The following SOX5 variants were observed in gnomAD, a reference collection of about 807,000 sequenced individuals.
SOX5 encodes the protein transcription factor SOX-5.
Under a neutral mutation model 92.0 loss-of-function variants are expected in SOX5, and 9 were observed. The observed-to-expected ratio is 0.10, with a 90% confidence interval of 0.06 to 0.17. The LOEUF is 0.17. Ranked by LOEUF, SOX5 falls within the 10% of genes least tolerant of loss-of-function variation. The pLI is 1.00. For missense variants in SOX5, 642 were observed against 944.5 expected (o/e 0.68, Z 4.20); for synonymous variants, 344 against 336.3 (o/e 1.02, Z -0.25).
intron 1 of SOX5, among the ~76,000 whole-genome samples, chr12:24,389,480 T>C (rs1342730762): frequency 1.3e-5 from 2 of 152,232 alleles, no homozygotes; most frequent in East Asian, 3.8e-4. Flanking sequence ...TAGGTAAACG[T>C]ATGCCATGGT....
intron 1 of SOX5, among the ~76,000 whole-genome samples, chr12:24,480,227 T>C (rs1224526994): frequency 6.6e-6 from 1 of 152,168 alleles, no homozygotes; most frequent in African/African-American, 2.4e-5. Context: ...GAATGAAACC[T>C]AGATCCCTCT....
chr12:23,674,575 T>A (rs967221779), intron 6 of SOX5, among the ~76,000 whole-genome samples: 1 of 151,852 alleles, frequency 6.6e-6, no homozygotes, highest in African/African-American at 2.4e-5. Flanking sequence ...TTACCTCAGA[T>A]GATCCACCCT....
intron 2 of SOX5, among the ~76,000 whole-genome samples, chr12:23,858,876 T>C (rs184196192): frequency 2.4e-4 from 36 of 152,320 alleles, no homozygotes; most frequent in African/African-American, 8.2e-4. Context: ...ACTAATACTT[T>C]TATAATTTCT....
chr12:24,237,047 G>A (rs1964657248), intron 3 of SOX5, among the ~76,000 whole-genome samples: 1 of 152,164 alleles, frequency 6.6e-6, no homozygotes, highest in Non-Finnish European at 1.5e-5. Flanking sequence ...TAGAAAATGA[G>A]AAGCTGCCAA....
intron 4 of SOX5, among the ~76,000 whole-genome samples, chr12:24,121,473 G>C (rs146558640): frequency 6.6e-6 from 1 of 151,530 alleles, no homozygotes; most frequent in African/African-American, 2.4e-5. Context: ...AATTTATGAC[G>C]AAGCATGGGT....
rs536645904 is a variant in SOX5, at chr12:23,719,664, G to A, written c.810+15020C>T. Among the ~76,000 whole-genome samples the A allele has an allele frequency of 7.7e-4, 117 of 151,758 alleles. 1 individual carries two copies. Among genetic ancestry groups the A allele is most frequent in the African/African-American group, 2.6e-3 (107 of 41,360 alleles). ...CCTAGCCACTCAGGAGGCTGAGGTG[G>A]GACAATTGCTTGAGCCCTGAGCCCC... is the stretch of plus-strand genomic sequence containing the variant. On this transcript the variant is annotated intron_variant, in intron 6 of 14. Transcript: ENST00000451604.
rs188412588 is a variant in SOX5, at chr12:23,833,398, T to A, written c.481+12585A>T. Among the ~76,000 whole-genome samples the A allele has an allele frequency of 1.1e-3, 168 of 152,080 alleles. 1 individual carries two copies. The highest frequency in any genetic ancestry group is 3.9e-3 in the African/African-American group (160 of 41,518). On this transcript the variant is annotated intron_variant, in intron 3 of 14. Coordinates refer to ENST00000451604, the MANE Select transcript of SOX5 (RefSeq NM_006940.6). ...ACCTAGAAAAGGGTGCTTGTCTCCA[T>A]TATGTTGAAACACTATTAAAGAACA... is the stretch of plus-strand genomic sequence containing the variant.
chr12:24,096,511 T>C (rs564404568), intron 4 of SOX5, among the ~76,000 whole-genome samples: 1 of 152,310 alleles, frequency 6.6e-6, no homozygotes, highest in Admixed American at 6.5e-5. Context: ...TCTCTATGAA[T>C]TTGACTACTC....
chr12:24,387,191 G>A (rs1467790792), intron 1 of SOX5, among the ~76,000 whole-genome samples: 1 of 152,146 alleles, frequency 6.6e-6, no homozygotes, highest in Non-Finnish European at 1.5e-5. Context: ...TGAGTTGCTG[G>A]ATACAGCATC....
At chr12:23,662,569 A>G (rs1469027963) in intron 7 of SOX5, among the ~76,000 whole-genome samples, 2 of 152,184 alleles carry the variant, frequency 1.3e-5, no homozygotes, top group Non-Finnish European at 2.9e-5. Flanking sequence ...TCCATTCCAC[A>G]CCATATTTCA....
At chr12:23,903,869 T>C (rs903199599) in intron 1 of SOX5, among the ~76,000 whole-genome samples, 8 of 152,200 alleles carry the variant, frequency 5.3e-5, no homozygotes, top group African/African-American at 1.9e-4. Flanking sequence ...ATGTTACTTA[T>C]CCAATATGGC....
chr12:24,040,826 T>C (rs867108874), intron 4 of SOX5, among the ~76,000 whole-genome samples: 4 of 152,150 alleles, frequency 2.6e-5, no homozygotes, highest in Middle Eastern at 3.4e-3. Flanking sequence ...TGAGCCGAGA[T>C]TGCACCACTG....
At chr12:24,058,868 T>C (rs1939114033) in intron 4 of SOX5, among the ~76,000 whole-genome samples, 1 of 152,166 alleles carries the variant, frequency 6.6e-6, no homozygotes, top group South Asian at 2.1e-4. Context: ...CAAGGTTCCA[T>C]TCCAGCTGCT....
chr12:23,625,996 G>A (rs778748294), intron 8 of SOX5, among the ~76,000 whole-genome samples: 10 of 152,100 alleles, frequency 6.6e-5, no homozygotes, highest in Non-Finnish European at 1.2e-4. Flanking sequence ...AGAAAAAAGA[G>A]AGGAGGAAAG....
chr12:23,734,885 A>G, intron 5 of SOX5, 133 bp from the exon 6 acceptor site: 2 of 615,352 alleles, frequency 3.3e-6, no homozygotes, highest in Non-Finnish European at 5.7e-6. Context: ...GTGCTCCTAA[A>G]TTATCAGCAA....
chr12:24,102,934 A>G (rs1946256188), intron 4 of SOX5, among the ~76,000 whole-genome samples: 1 of 152,220 alleles, frequency 6.6e-6, no homozygotes, highest in South Asian at 2.1e-4. Context: ...ACAAAGAAAA[A>G]GAAAGGGCGT....
chr12:24,258,087 C>T (rs984855425), intron 3 of SOX5, among the ~76,000 whole-genome samples: 2 of 152,070 alleles, frequency 1.3e-5, no homozygotes, highest in Non-Finnish European at 2.9e-5. Context: ...GCAGGAGAAT[C>T]GCTTGAACCC....
chr12:24,272,423 G>T (rs1943879375), intron 3 of SOX5, among the ~76,000 whole-genome samples: 1 of 152,092 alleles, frequency 6.6e-6, no homozygotes, highest in Non-Finnish European at 1.5e-5. Context: ...AATAGCAGGG[G>T]TGATAGCAAA....
At chr12:23,730,690 AG>A (rs1008162469) in intron 6 of SOX5, among the ~76,000 whole-genome samples, 1 of 152,336 alleles carries the variant, frequency 6.6e-6, no homozygotes, top group African/African-American at 2.4e-5. Context: ...TAGTTCATAA[AG>A]AACTGATCCT....
Sources: gnomAD v4.1 joint callset for allele counts (sites outside exome capture counted in the v4.1 genomes callset) on GRCh38, gnomAD v4.1.1 for gene constraint, MANE v1.5 for transcripts, NCBI Gene and HGNC (gene_info 2026-07-23, HGNC 2026-07-21) for gene names.